GADL1: variants seen among roughly 807,000 people sequenced by gnomAD.
GADL1 encodes GAD like acidic amino acid decarboxylase 1.
GADL1 carries 71 observed loss-of-function variants against 69.5 expected under a neutral mutation model. The observed-to-expected ratio is 1.02, with a 90% CI of 0.84 to 1.25. The LOEUF (loss-of-function observed/expected upper bound fraction) is 1.25. GADL1 is among the 50% of genes most tolerant of loss of function. The pLI is 0.00. For missense variants in GADL1, 737 were observed against 631.8 expected (o/e 1.17, Z -1.79); for synonymous variants, 254 against 214.4 (o/e 1.18, Z -1.62).
At position 30,894,644 on chromosome 3, in the gene GADL1, G is replaced by A; in HGVS notation, c.-30C>T. 3 of 1,548,352 alleles carry A rather than the reference G, an allele frequency of 1.9e-6. No homozygotes were observed. Among genetic ancestry groups the A allele is most frequent in the Non-Finnish European group, 2.6e-6 (3 of 1,145,056 alleles). On this transcript the variant is annotated 5_prime_UTR_variant, in exon 1 of 15. Coordinates refer to ENST00000282538, the MANE Select transcript of GADL1 (RefSeq NM_207359.3). ...GCTCCCCCACTCCAGGCTGCCCCGG[G>A]CGCGGCTCCCGCAGTCTGGGCGGCG...
intron 11 of GADL1, among the ~76,000 whole-genome samples, chr3:30,820,935 A>T (rs1354442119): frequency 6.6e-6 from 1 of 151,982 alleles, no homozygotes; most frequent in African/African-American, 2.4e-5. Flanking sequence ...ATGTCCAACA[A>T]TGATAGACTG....
At chr3:30,873,726 A>C (rs185483581) in intron 1 of GADL1, among the ~76,000 whole-genome samples, 1 of 152,102 alleles carries the variant, frequency 6.6e-6, no homozygotes, top group East Asian at 1.9e-4. Context: ...AAATGCTATA[A>C]ATGGGTGCCT....
At chr3:30,781,932 A>G (rs887886323) in intron 13 of GADL1, among the ~76,000 whole-genome samples, 1 of 152,192 alleles carries the variant, frequency 6.6e-6, no homozygotes, top group African/African-American at 2.4e-5. Flanking sequence ...ATTTCTTGGT[A>G]CTATATTTGA....
At chr3:30,751,843 C>T (rs1009960844) in intron 14 of GADL1, among the ~76,000 whole-genome samples, 16 of 152,212 alleles carry the variant, frequency 1.1e-4, no homozygotes, top group Non-Finnish European at 2.4e-4. Flanking sequence ...TGACTAAACA[C>T]AGAAGTAGGA....
intron 14 of GADL1, among the ~76,000 whole-genome samples, chr3:30,743,958 T>C (rs1411247356): frequency 6.6e-6 from 1 of 152,136 alleles, no homozygotes; most frequent in Non-Finnish European, 1.5e-5. Flanking sequence ...TCAGTCTGGA[T>C]GCTGGGGGGA....
intron 14 of GADL1, among the ~76,000 whole-genome samples, chr3:30,776,010 C>T (rs111739286): frequency 5.3e-4 from 81 of 152,146 alleles, no homozygotes; most frequent in African/African-American, 1.8e-3. Flanking sequence ...CGCTTGAACC[C>T]GAGAGGCGGA....
rs554614041 is a variant in GADL1 at position 30,727,153 on chromosome 3, G to A, written c.*1089C>T. ...TATATATACATATATATGTATATATGTATATCACAGAAACATATATATTTC... is the reference window on the plus strand; with the variant it reads ...TATATATACATATATATGTATATATATATATCACAGAAACATATATATTTC... On this transcript the variant is annotated 3_prime_UTR_variant, in exon 15 of 15. Transcript: ENST00000282538. The A allele has an allele frequency of 7.1e-6, 1 of 140,648 alleles. No individual in the cohort carries two copies. The highest frequency in any genetic ancestry group is 2.1e-4 in the East Asian group (1 of 4,804). The allele number at this position is 140,648 out of a possible 1,614,324, so 8.7% of individuals were successfully genotyped here. A position where few individuals can be genotyped will look rare whatever the true frequency, so the allele number is the denominator to read the frequency against.
rs1559358436 is a variant in GADL1, at chr3:30,842,821, T to TAAA, written c.786+1388_786+1389insTTT. 1.2e-3 allele frequency among the ~76,000 whole-genome samples: 78 copies of TAAA among 66,452 alleles called. 2 individuals are homozygous for TAAA. The highest frequency in any genetic ancestry group is 3.2e-3 in the African/African-American group (46 of 14,206). The allele number at this position is 66,452 out of a possible 152,430, so 43.6% of individuals were successfully genotyped here. A position where few individuals can be genotyped will look rare whatever the true frequency, so the allele number is the denominator to read the frequency against. On this transcript the variant is annotated intron_variant, in intron 8 of 14. Transcript: ENST00000282538. ...TAAAGTTCACTTGTCATTGGAATGT[T>TAAA]TAAAAAAAAAAAAAAAAAAAAAGTA...
chr3:30,840,086 C>T (rs1470082980), intron 8 of GADL1, among the ~76,000 whole-genome samples: 1 of 152,074 alleles, frequency 6.6e-6, no homozygotes, highest in African/African-American at 2.4e-5. Context: ...AGAATATTTA[C>T]TGCCTCTGAA....
intron 13 of GADL1, among the ~76,000 whole-genome samples, chr3:30,785,301 C>T (rs796101777): frequency 2.2e-4 from 33 of 152,108 alleles, no homozygotes; most frequent in African/African-American, 7.9e-4. Context: ...TTTCTATCTC[C>T]TGTGCCTAGA....
chr3:30,860,635 A>G (rs1027544728), intron 2 of GADL1, among the ~76,000 whole-genome samples: 1 of 151,990 alleles, frequency 6.6e-6, no homozygotes, highest in Non-Finnish European at 1.5e-5. Context: ...ATATCACCTC[A>G]CTTTCAAAAT....
intron 12 of GADL1, among the ~76,000 whole-genome samples, chr3:30,792,294 C>T (rs537520580): frequency 1.7e-4 from 26 of 152,260 alleles, no homozygotes; most frequent in Middle Eastern, 6.8e-3. Flanking sequence ...TACACTTGGC[C>T]AGGCATGGTG....
At chr3:30,867,009 C>T (rs1328322826) in intron 1 of GADL1, among the ~76,000 whole-genome samples, 1 of 152,034 alleles carries the variant, frequency 6.6e-6, no homozygotes, top group Admixed American at 6.6e-5. Context: ...GAGCTGACTT[C>T]TAGTCCCACT....
intron 1 of GADL1, among the ~76,000 whole-genome samples, chr3:30,872,531 T>C (rs764999688): frequency 7.2e-5 from 11 of 151,962 alleles, no homozygotes; most frequent in African/African-American, 2.7e-4. Context: ...ATAGAAGGCC[T>C]GTTTTTAGTT....
At chr3:30,822,983 AATT>A (rs1464483571) in intron 11 of GADL1, among the ~76,000 whole-genome samples, 3 of 152,044 alleles carry the variant, frequency 2.0e-5, no homozygotes, top group Non-Finnish European at 4.4e-5. Flanking sequence ...AACAGCTGCT[AATT>A]ATTAAAAATT....
intron 2 of GADL1, among the ~76,000 whole-genome samples, chr3:30,858,852 A>T (rs952714840): frequency 6.6e-6 from 1 of 151,976 alleles, no homozygotes; most frequent in Non-Finnish European, 1.5e-5. Flanking sequence ...CATCACCAAC[A>T]CTTATGAATG....
intron 11 of GADL1, among the ~76,000 whole-genome samples, chr3:30,822,800 G>A (rs1697608411): frequency 6.6e-6 from 1 of 151,860 alleles, no homozygotes; most frequent in Admixed American, 6.6e-5. Flanking sequence ...TCCAACTCCT[G>A]CTTTTTAATC....
intron 14 of GADL1, among the ~76,000 whole-genome samples, chr3:30,777,338 C>T (rs1696561343): frequency 6.6e-6 from 1 of 152,150 alleles, no homozygotes. Flanking sequence ...GTCAGCTGTG[C>T]TGACTTGATC....
intron 1 of GADL1, among the ~76,000 whole-genome samples, chr3:30,867,439 T>TATATATATATATAC (rs1319135425): frequency 6.5e-5 from 9 of 138,830 alleles, no homozygotes; most frequent in South Asian, 2.4e-4. Context: ...TATATATATA[T>TATATATATATATAC]ACACATATAT....
Sources: gnomAD v4.1 joint callset for allele counts (sites outside exome capture counted in the v4.1 genomes callset) on GRCh38, gnomAD v4.1.1 for gene constraint, MANE v1.5 for transcripts, NCBI Gene and HGNC (gene_info 2026-07-23, HGNC 2026-07-21) for gene names.